MYT1L: variants seen among roughly 807,000 people sequenced by gnomAD.
MYT1L encodes myelin transcription factor 1-like protein.
MYT1L carries 12 observed loss-of-function variants against 126.7 expected under a neutral mutation model. The ratio of observed to expected loss-of-function variants is 0.09; its 90% confidence interval spans 0.06 to 0.15. The LOEUF is 0.15. Ranked by LOEUF, MYT1L falls within the 10% of genes least tolerant of loss-of-function variation. MYT1L has a pLI of 1.00. For missense variants in MYT1L, 979 were observed against 1,585.2 expected (o/e 0.62, Z 6.49); for synonymous variants, 541 against 604.2 (o/e 0.90, Z 1.53).
In MYT1L at chr2:2,316,844, T is replaced by C. The variant is rs912969044; in HGVS notation, c.-521+14123A>G. On this transcript the variant is annotated intron_variant, in intron 1 of 24. Coordinates refer to ENST00000647738, the MANE Select transcript of MYT1L (RefSeq NM_001303052.2). ...TTTTTTTTTCGAGACAGAGTCTCGC[T>C]CTGTCACCGAGGATGGAGTGCAGTG... is the stretch of plus-strand genomic sequence containing the variant. Among the ~76,000 whole-genome samples the C allele has an allele frequency of 4.2e-4, 64 of 152,050 alleles. 2 individuals are homozygous for C. The highest frequency in any genetic ancestry group is 3.8e-4 in the Non-Finnish European group (26 of 68,000).
intron 3 of MYT1L, among the ~76,000 whole-genome samples, chr2:2,063,876 C>A (rs191827534): frequency 6.6e-6 from 1 of 152,128 alleles, no homozygotes; most frequent in African/African-American, 2.4e-5. Context: ...ATAAAAACCA[C>A]GTTTCCTTGA....
chr2:2,099,250 G>A (rs2077770927), intron 3 of MYT1L, among the ~76,000 whole-genome samples: 1 of 152,050 alleles, frequency 6.6e-6, no homozygotes, highest in African/African-American at 2.4e-5. Flanking sequence ...CAGACTCTCA[G>A]CAAATCATCT....
intron 1 of MYT1L, among the ~76,000 whole-genome samples, chr2:2,306,502 C>T (rs1017088170): frequency 2.6e-5 from 4 of 152,148 alleles, no homozygotes; most frequent in Non-Finnish European, 5.9e-5. Flanking sequence ...CGCAGCAAAA[C>T]AGCTGGTCAC....
intron 3 of MYT1L, among the ~76,000 whole-genome samples, chr2:2,157,614 G>A (rs546460677): frequency 1.3e-5 from 2 of 152,266 alleles, no homozygotes; most frequent in East Asian, 3.9e-4. Flanking sequence ...CATGTGCTGA[G>A]CATATGAGGA....
At chr2:1,956,441 C>CTATCTAT (rs1573965981) in intron 8 of MYT1L, among the ~76,000 whole-genome samples, 5 of 36,314 alleles carry the variant, frequency 1.4e-4, no homozygotes, top group South Asian at 8.6e-4. Context: ...TATCTATCTA[C>CTATCTAT]CTATCATCTA....
intron 4 of MYT1L, among the ~76,000 whole-genome samples, chr2:2,003,697 G>A (rs2062645470): frequency 1.3e-5 from 2 of 152,218 alleles, no homozygotes; most frequent in Non-Finnish European, 2.9e-5. Flanking sequence ...GCACCCTGGT[G>A]TGGGGCCCAT....
Position 1,855,768 on chromosome 2 carries a change from G to A in MYT1L, c.2712-4065C>T, listed in dbSNP as rs149733614. ...ACAAATAATCTTGAAACCCACACGA[G>A]CTGCCCCACGGATATTTTCAAGACA... On this transcript the variant is annotated intron_variant, in intron 18 of 24. Transcript: ENST00000647738. Among the ~76,000 whole-genome samples, 690 of 152,118 alleles carry A rather than the reference G, an allele frequency of 4.5e-3. 3 individuals carry two copies. The highest frequency in any genetic ancestry group is 0.015 in the African/African-American group (624 of 41,484).
intron 14 of MYT1L, among the ~76,000 whole-genome samples, chr2:1,895,277 C>T (rs1416820303): frequency 6.6e-6 from 1 of 152,232 alleles, no homozygotes; most frequent in Non-Finnish European, 1.5e-5. Flanking sequence ...AATGGCCATA[C>T]TGCCCAAAGC....
At chr2:1,803,628 A>G (rs796974993) in intron 22 of MYT1L, among the ~76,000 whole-genome samples, 6 of 152,248 alleles carry the variant, frequency 3.9e-5, no homozygotes, top group African/African-American at 1.4e-4. Flanking sequence ...GGATGGGTGG[A>G]TATTACTTCC....
intron 21 of MYT1L, among the ~76,000 whole-genome samples, chr2:1,818,007 G>T (rs1344852755): frequency 6.6e-6 from 1 of 152,202 alleles, no homozygotes; most frequent in East Asian, 1.9e-4. Flanking sequence ...CTGGCACCAG[G>T]CGTCAGCACC....
chr2:2,185,506 TTCC>T lies in MYT1L; in HGVS notation c.-420-12521_-420-12519del, dbSNP rs778251228. On this transcript the variant is annotated intron_variant, in intron 2 of 24. Coordinates refer to ENST00000647738, the MANE Select transcript of MYT1L (RefSeq NM_001303052.2). Reference sequence around the variant, plus strand: ...GGGACGCAGCCAGGCCTTCCGGGCCTTCCCGAGTCCCGCGTTCCTTCTGTGAGG... The same window carrying T: ...GGGACGCAGCCAGGCCTTCCGGGCCTCGAGTCCCGCGTTCCTTCTGTGAGG... Among the ~76,000 whole-genome samples the T allele has an allele frequency of 7.3e-3, 857 of 118,152 alleles. 6 individuals are homozygous for T. Among genetic ancestry groups the T allele is most frequent in the African/African-American group, 0.014 (371 of 25,780 alleles). The allele number at this position is 118,152 out of a possible 152,430, so 77.5% of individuals were successfully genotyped here. A position where few individuals can be genotyped will look rare whatever the true frequency, so the allele number is the denominator to read the frequency against.
intron 21 of MYT1L, among the ~76,000 whole-genome samples, chr2:1,809,487 T>C (rs192808766): frequency 2.6e-5 from 4 of 152,274 alleles, no homozygotes; most frequent in African/African-American, 7.2e-5. Context: ...TTTCAGAGCT[T>C]TTTGGAACTT....
chr2:2,250,169 A>G (rs1301710287), intron 2 of MYT1L, among the ~76,000 whole-genome samples: 1 of 152,204 alleles, frequency 6.6e-6, no homozygotes, highest in Non-Finnish European at 1.5e-5. Context: ...TCCCATTGCT[A>G]GTTATACACT....
intron 4 of MYT1L, among the ~76,000 whole-genome samples, chr2:2,037,254 C>T (rs1449034184): frequency 6.6e-6 from 1 of 152,152 alleles, no homozygotes; most frequent in African/African-American, 2.4e-5. Flanking sequence ...TTCTGCCAAC[C>T]TTTCTAAGTT....
intron 3 of MYT1L, among the ~76,000 whole-genome samples, chr2:2,146,949 C>T (rs1043450034): frequency 1.3e-5 from 2 of 152,184 alleles, no homozygotes; most frequent in Non-Finnish European, 2.9e-5. Context: ...GGAAAGGGGT[C>T]TGGAGTATTT....
chr2:1,902,071 C>T (rs2050417687), intron 14 of MYT1L, among the ~76,000 whole-genome samples: 1 of 152,132 alleles, frequency 6.6e-6, no homozygotes, highest in Admixed American at 6.5e-5. Context: ...ACATTTACAC[C>T]CCAAGTCCCA....
chr2:2,185,163 CTT>C (rs2091981473), intron 2 of MYT1L, among the ~76,000 whole-genome samples: 1 of 152,120 alleles, frequency 6.6e-6, no homozygotes, highest in South Asian at 2.1e-4. Flanking sequence ...GCATTCCACT[CTT>C]ATATACAAGC....
intron 21 of MYT1L, among the ~76,000 whole-genome samples, chr2:1,835,146 C>T (rs1362800096): frequency 6.6e-6 from 1 of 152,186 alleles, no homozygotes; most frequent in East Asian, 1.9e-4. Context: ...CCTCCACATA[C>T]CATGGGGTCA....
At chr2:1,936,900 T>C (rs1480732355) in intron 9 of MYT1L, among the ~76,000 whole-genome samples, 4 of 152,320 alleles carry the variant, frequency 2.6e-5, no homozygotes, top group African/African-American at 9.6e-5. Context: ...AACTTGGGGC[T>C]AGCACCTCAT....
Sources: gnomAD v4.1 joint callset for allele counts (sites outside exome capture counted in the v4.1 genomes callset) on GRCh38, gnomAD v4.1.1 for gene constraint, MANE v1.5 for transcripts, NCBI Gene and HGNC (gene_info 2026-07-23, HGNC 2026-07-21) for gene names.